The following GRM7 variants were observed in gnomAD, a reference collection of about 807,000 sequenced individuals.
GRM7 encodes glutamate metabotropic receptor 7.
In GRM7, 35 loss-of-function variants were observed where a neutral mutation model predicts 84.5. The observed-to-expected ratio is 0.41, with a 90% CI of 0.32 to 0.55. The LOEUF (loss-of-function observed/expected upper bound fraction) is 0.55. GRM7 is among the 20% of genes least tolerant of loss of function. GRM7 has a pLI of 0.19. For missense variants in GRM7, 1,003 were observed against 1,194.6 expected (o/e 0.84, Z 2.36); for synonymous variants, 487 against 455.1 (o/e 1.07, Z -0.89).
At chr3:7,618,002 TAG>T (rs1697182325) in intron 8 of GRM7, among the ~76,000 whole-genome samples, 1 of 152,138 alleles carries the variant, frequency 6.6e-6, no homozygotes, top group Non-Finnish European at 1.5e-5. Flanking sequence ...TCTTGTGCCT[TAG>T]AGTTTTCATA....
intron 1 of GRM7, among the ~76,000 whole-genome samples, chr3:7,063,509 C>G (rs1439941127): frequency 2.6e-5 from 4 of 151,680 alleles, no homozygotes; most frequent in African/African-American, 9.7e-5. Context: ...AATTAATTTC[C>G]CAGTTCTTGA....
intron 5 of GRM7, among the ~76,000 whole-genome samples, chr3:7,434,253 ATC>A (rs1432145704): frequency 1.3e-5 from 2 of 152,196 alleles, no homozygotes; most frequent in African/African-American, 4.8e-5. Context: ...TGATCACATC[ATC>A]TGACACAGTG....
chr3:7,696,610 T>C (rs1246548832), intron 9 of GRM7, among the ~76,000 whole-genome samples: 4 of 152,250 alleles, frequency 2.6e-5, no homozygotes, highest in Non-Finnish European at 4.4e-5. Flanking sequence ...ACTTTTCACT[T>C]GGATTGGCCA....
intron 5 of GRM7, among the ~76,000 whole-genome samples, chr3:7,415,678 A>C (rs1696130960): frequency 6.6e-6 from 1 of 152,172 alleles, no homozygotes; most frequent in South Asian, 2.1e-4. Context: ...ATATCTGTGA[A>C]TAAGTGAGAA....
chr3:6,888,065 T>A (rs1695774429), intron 1 of GRM7, among the ~76,000 whole-genome samples: 1 of 152,182 alleles, frequency 6.6e-6, no homozygotes, highest in Non-Finnish European at 1.5e-5. Flanking sequence ...CTTGCCCACT[T>A]TTGGATGGGG....
At chr3:7,681,443 G>T (rs186623354) in intron 9 of GRM7, 17 of 152,342 alleles carry the variant, frequency 1.1e-4, no homozygotes, top group Admixed American at 9.8e-4. Context: ...ACTACACAAA[G>T]AACTGTGATT....
At chr3:7,651,856 G>A (rs1410004906) in intron 8 of GRM7, among the ~76,000 whole-genome samples, 1 of 152,166 alleles carries the variant, frequency 6.6e-6, no homozygotes, top group African/African-American at 2.4e-5. Context: ...ATTGGAGGTG[G>A]GGAGTGGAAT....
intron 8 of GRM7, among the ~76,000 whole-genome samples, chr3:7,623,823 C>A (rs1697479559): frequency 6.6e-6 from 1 of 152,134 alleles, no homozygotes; most frequent in Non-Finnish European, 1.5e-5. Context: ...CCCAACAGAA[C>A]TGAGGGTCCT....
At chr3:7,303,025 C>T (rs2125028399) in intron 3 of GRM7, among the ~76,000 whole-genome samples, 1 of 149,710 alleles carries the variant, frequency 6.7e-6, no homozygotes, top group African/African-American at 2.5e-5. Flanking sequence ...ACTGAAAGCT[C>T]CACCTCCCGG....
intron 1 of GRM7, among the ~76,000 whole-genome samples, chr3:6,910,496 C>G (rs941845383): frequency 6.6e-6 from 1 of 152,094 alleles, no homozygotes; most frequent in Admixed American, 6.6e-5. Context: ...GGTTTCCTGG[C>G]CAAGTCTGGA....
At chr3:7,092,928 C>G (rs1698721653) in intron 1 of GRM7, among the ~76,000 whole-genome samples, 1 of 152,052 alleles carries the variant, frequency 6.6e-6, no homozygotes, top group African/African-American at 2.4e-5. Flanking sequence ...ACATGTAATA[C>G]AAAATTTAGC....
intron 4 of GRM7, among the ~76,000 whole-genome samples, chr3:7,355,070 C>T (rs141060569): frequency 2.0e-5 from 3 of 152,244 alleles, no homozygotes; most frequent in East Asian, 1.9e-4. Context: ...ATTGGTAAAA[C>T]ATTTGCTTAT....
At chr3:6,955,841 CAA>C in intron 1 of GRM7, among the ~76,000 whole-genome samples, 1 of 141,220 alleles carries the variant, frequency 7.1e-6, no homozygotes, top group Admixed American at 7.1e-5. Flanking sequence ...GACTCTATCT[CAA>C]AAAAAAAAAA....
intron 2 of GRM7, among the ~76,000 whole-genome samples, chr3:7,184,622 T>C (rs1341002803): frequency 3.3e-5 from 5 of 152,140 alleles, no homozygotes; most frequent in Admixed American, 6.5e-5. Flanking sequence ...CATGGTACTT[T>C]CCATGCATAT....
At chr3:7,061,168 A>G (rs1420932947) in intron 1 of GRM7, among the ~76,000 whole-genome samples, 1 of 151,798 alleles carries the variant, frequency 6.6e-6, no homozygotes, top group Non-Finnish European at 1.5e-5. Flanking sequence ...AATCTCCATA[A>G]GGCTGTTCAT....
At chr3:7,467,923 T>C (rs1271360763) in intron 7 of GRM7, among the ~76,000 whole-genome samples, 2 of 152,224 alleles carry the variant, frequency 1.3e-5, no homozygotes, top group Non-Finnish European at 2.9e-5. Context: ...ACTGAGGTGA[T>C]TCAAATTAAT....
At chr3:7,677,262 TAAAAAAA>T (rs557488794) in intron 8 of GRM7, among the ~76,000 whole-genome samples, 408 of 36,986 alleles carry the variant, frequency 0.011, 8 homozygotes, top group African/African-American at 0.031. Flanking sequence ...ACTCTGTCTT[TAAAAAAA>T]AAAAAAAAAA....
intron 7 of GRM7, among the ~76,000 whole-genome samples, chr3:7,474,869 AGGAAAGCAGGCAGAG>A (rs1445446092): frequency 5.3e-5 from 8 of 152,214 alleles, no homozygotes; most frequent in African/African-American, 1.9e-4. Flanking sequence ...ATATGCCTGC[AGGAAAGCAGGCAGAG>A]ATAGAACTAA....
intron 1 of GRM7, among the ~76,000 whole-genome samples, chr3:7,127,008 G>A (rs1248726869): frequency 6.6e-6 from 1 of 152,184 alleles, no homozygotes; most frequent in Non-Finnish European, 1.5e-5. Context: ...ATGCAAAGGT[G>A]GCCAGTGGCC....
Sources: allele counts gnomAD v4.1 joint callset (sites outside exome capture counted in the v4.1 genomes callset), GRCh38; gene constraint gnomAD v4.1.1; transcripts MANE v1.5; gene names NCBI Gene and HGNC (gene_info 2026-07-23, HGNC 2026-07-21).